NPNT: variants seen among roughly 807,000 people sequenced by gnomAD.
NPNT encodes the protein nephronectin.
A neutral mutation model predicts 68.6 loss-of-function variants in NPNT; 45 were observed. The observed-to-expected ratio is 0.66, with a 90% confidence interval of 0.52 to 0.84. The LOEUF (loss-of-function observed/expected upper bound fraction) is 0.84, where lower values mean the gene tolerates loss of function less well. NPNT is among the 40% of genes least tolerant of loss of function. The pLI is 0.00. For missense variants in NPNT, 672 were observed against 714.8 expected (o/e 0.94, Z 0.68); for synonymous variants, 233 against 253.3 (o/e 0.92, Z 0.76).
At chr4:105,945,525 C>A (rs1467074272) in intron 8 of NPNT, among the ~76,000 whole-genome samples, 1 of 152,140 alleles carries the variant, frequency 6.6e-6, no homozygotes, top group Non-Finnish European at 1.5e-5. Context: ...TTGCTAAGGT[C>A]TAATAATGTG....
chr4:105,911,920 T>G (rs1203427006), intron 2 of NPNT: 1 of 367,398 alleles, frequency 2.7e-6, no homozygotes, highest in Non-Finnish European at 4.9e-6. Flanking sequence ...AGGTCTGAAA[T>G]ATTTAAATTT....
intron 1 of NPNT, 141 bp downstream of exon 1, chr4:105,895,864 G>T (rs967902970): frequency 8.2e-6 from 6 of 731,212 alleles, no homozygotes; most frequent in Non-Finnish European, 1.4e-5. Flanking sequence ...ACAGCGTGGC[G>T]CGAGGAGAGC....
At chr4:105,928,095 C>CT (rs1728827248) in intron 3 of NPNT, among the ~76,000 whole-genome samples, 1 of 152,066 alleles carries the variant, frequency 6.6e-6, no homozygotes, top group South Asian at 2.1e-4. Flanking sequence ...ATTATTAGTC[C>CT]ATTTTTTATT....
chr4:105,900,834 G>GTTTTTTTTTTTTTTTTTTTTT (rs765343668), intron 2 of NPNT, among the ~76,000 whole-genome samples: 19 of 96,626 alleles, frequency 2.0e-4, no homozygotes, highest in East Asian at 3.1e-4. Context: ...ACCCTTGGTT[G>GTTTTTTTTTTTTTTTTTTTTT]TTTTTTTTTT....
In NPNT at chr4:105,942,605, G is replaced by C; in HGVS notation, c.1062G>C (p.Leu354=). 6.2e-7 allele frequency: 1 copy of C among 1,613,964 alleles called. No homozygotes were observed. The highest frequency in any genetic ancestry group is 1.1e-5 in the South Asian group (1 of 91,056). The change falls in exon 8 of 12, where the codon CTG becomes CTC. Residue 354 remains leucine (L), a synonymous_variant. Transcript: ENST00000379987. Reference sequence around the variant, plus strand: ...CCCCAGAAAGGCCAACCACCGGACTGACAACTATAGCACCAGCTGCCAGTA... The same window carrying C: ...CCCCAGAAAGGCCAACCACCGGACTCACAACTATAGCACCAGCTGCCAGTA... The part of the protein sequence containing the change: ...PTTPERPTTG[L]TTIAPAASTP...
chr4:105,954,938 AG>A (rs1322034506), intron 8 of NPNT, among the ~76,000 whole-genome samples: 1 of 152,214 alleles, frequency 6.6e-6, no homozygotes, highest in Non-Finnish European at 1.5e-5. Flanking sequence ...TGAAGGCAAG[AG>A]TATGCCCAAT....
At chr4:105,950,477 C>G (rs1333238961) in intron 8 of NPNT, among the ~76,000 whole-genome samples, 6 of 152,048 alleles carry the variant, frequency 3.9e-5, no homozygotes, top group Non-Finnish European at 7.3e-5. Context: ...TTTTGAGACA[C>G]AGGCTCACTC....
At position 105,942,523 on chromosome 4, in the gene NPNT, C is replaced by T. The variant is rs1435228513; in HGVS notation, c.980C>T (p.Thr327Ile). ...RPTPKPTPIP[T>I]PPPPPPLPTE... ...ACACCAAAGCCAACACCAATTCCTA[C>T]TCCACCACCACCACCACCCCTGCCA... The change falls in exon 8 of 12, where the codon ACT becomes ATT. Residue 327 changes from threonine to isoleucine, a missense_variant. By Grantham distance (89) the Thr-to-Ile change is moderately conservative. Transcript: ENST00000379987. The T allele has an allele frequency of 1.9e-6, 3 of 1,613,906 alleles. No individual in the cohort carries two copies. The highest frequency in any genetic ancestry group is 1.7e-5 in the Admixed American group (1 of 59,952).
chr4:105,923,340 A>T (rs1261898519), intron 2 of NPNT, among the ~76,000 whole-genome samples: 3 of 152,062 alleles, frequency 2.0e-5, no homozygotes, highest in African/African-American at 7.2e-5. Context: ...TCCCCTGAGT[A>T]TATGGTATTG....
chr4:105,932,930 CTT>C (rs1048732956), intron 3 of NPNT, among the ~76,000 whole-genome samples: 3 of 152,154 alleles, frequency 2.0e-5, no homozygotes, highest in African/African-American at 7.2e-5. Context: ...TTTTCTTTCT[CTT>C]TTCTGAATTT....
chr4:105,940,929 T>A (rs1729896973), intron 7 of NPNT, among the ~76,000 whole-genome samples: 2 of 152,220 alleles, frequency 1.3e-5, no homozygotes, highest in South Asian at 4.1e-4. Context: ...GAGAATTTGC[T>A]TTTGTTAAAA....
At chr4:105,958,427 TCACACACA>T in intron 8 of NPNT, 36 bp from the exon 9 acceptor site, 1 of 1,114,028 alleles carries the variant, frequency 9.0e-7, no homozygotes, top group Non-Finnish European at 1.3e-6. Context: ...TATCAATACT[TCACACACA>T]CACACACACA....
chr4:105,960,827 C>A (rs1288088511), intron 10 of NPNT, among the ~76,000 whole-genome samples: 1 of 152,028 alleles, frequency 6.6e-6, no homozygotes, highest in Non-Finnish European at 1.5e-5. Context: ...TATTTAAAAT[C>A]TCATCAATTT....
chr4:105,942,722 G>C lies in NPNT; in HGVS notation c.1159+20G>C, dbSNP rs767469474. 1 of 1,572,500 alleles carries C rather than the reference G, an allele frequency of 6.4e-7. No individual in the cohort carries two copies. Among genetic ancestry groups the C allele is most frequent in the South Asian group, 1.2e-5 (1 of 84,710 alleles). ...TGTTCAGTAAGTCTAATAAATGTTA[G>C]CACATTTTCAATAGGCTCTTTATAA... On this transcript the variant is annotated intron_variant, in intron 8 of 11. Coordinates refer to ENST00000379987, the MANE Select transcript of NPNT (RefSeq NM_001033047.3).
chr4:105,899,648 A>G (rs1726235767), intron 2 of NPNT, among the ~76,000 whole-genome samples: 1 of 152,224 alleles, frequency 6.6e-6, no homozygotes, highest in African/African-American at 2.4e-5. Context: ...TTTTATGTTT[A>G]TACTTCCAAA....
In NPNT at chr4:105,970,772, GT is replaced by G; in HGVS notation, c.*1786del. 1.1e-5 allele frequency: 4 copies of G among 362,726 alleles called. No homozygotes were observed. Among genetic ancestry groups the G allele is most frequent in the South Asian group, 9.1e-5 (4 of 44,098 alleles). The allele number at this position is 362,726 out of a possible 1,614,324, so 22.5% of individuals were successfully genotyped here. ...CAAATTATAGAATTTCCCAAAAGATGTTTTGATCCTACTAGTAGTATGCAGT... is the reference window on the plus strand; with the variant it reads ...CAAATTATAGAATTTCCCAAAAGATGTTTGATCCTACTAGTAGTATGCAGT... On this transcript the variant is annotated 3_prime_UTR_variant, in exon 12 of 12. Transcript: ENST00000379987.
chr4:105,957,205 A>G (rs1201861927), intron 8 of NPNT, among the ~76,000 whole-genome samples: 2 of 152,086 alleles, frequency 1.3e-5, no homozygotes, highest in East Asian at 1.9e-4. Context: ...GTTACTCTCC[A>G]TGATGTCTTC....
At chr4:105,945,107 T>C (rs1156919345) in intron 8 of NPNT, among the ~76,000 whole-genome samples, 1 of 152,224 alleles carries the variant, frequency 6.6e-6, no homozygotes, top group East Asian at 1.9e-4. Context: ...CTCCTTCAAA[T>C]AGCCCTCCAC....
chr4:105,954,441 C>T (rs1290108769), intron 8 of NPNT, among the ~76,000 whole-genome samples: 4 of 152,104 alleles, frequency 2.6e-5, no homozygotes, highest in African/African-American at 9.7e-5. Context: ...CTATGACACC[C>T]ACTCTCACCT....
Sources: gnomAD v4.1 joint callset for allele counts (sites outside exome capture counted in the v4.1 genomes callset) on GRCh38, gnomAD v4.1.1 for gene constraint, MANE v1.5 for transcripts, NCBI Gene and HGNC (gene_info 2026-07-23, HGNC 2026-07-21) for gene names.